Variants in RPSA2 observed in about 807,000 individuals in gnomAD.
RPSA2 encodes the protein small ribosomal subunit protein uS2B.
At chr19:23,846,778 C>T in the RPSA2 span, among the ~76,000 whole-genome samples, 18 of 152,122 alleles carry the variant, frequency 1.2e-4, no homozygotes, top group Non-Finnish European at 2.1e-4. Context: ...TTTTCTTTGG[C>T]TGATTTTAGA....
chr19:23,760,974 A>G, the RPSA2 span, among the ~76,000 whole-genome samples: 1 of 150,610 alleles, frequency 6.6e-6, no homozygotes, highest in Non-Finnish European at 1.5e-5. Context: ...AAACATACAT[A>G]TTATTTTGAT....
the RPSA2 span, among the ~76,000 whole-genome samples, chr19:23,788,611 T>TA: frequency 6.6e-6 from 1 of 152,144 alleles, no homozygotes; most frequent in Non-Finnish European, 1.5e-5. Flanking sequence ...ATCACCTAGG[T>TA]AGTGATGTGA....
the RPSA2 span, among the ~76,000 whole-genome samples, chr19:23,765,752 A>G: frequency 6.6e-6 from 1 of 152,220 alleles, no homozygotes; most frequent in African/African-American, 2.4e-5. Context: ...AAAAATTTGC[A>G]ATGTACCCTT....
At chr19:23,870,809 C>T in the RPSA2 span, among the ~76,000 whole-genome samples, 1 of 152,248 alleles carries the variant, frequency 6.6e-6, no homozygotes, top group South Asian at 2.1e-4. Flanking sequence ...TGTTGGGATC[C>T]AGAAGCCTGA....
At chr19:23,867,248 A>G in the RPSA2 span, among the ~76,000 whole-genome samples, 5 of 152,128 alleles carry the variant, frequency 3.3e-5, no homozygotes, top group Admixed American at 3.3e-4. Context: ...TAATCTCCAC[A>G]TCCCTAGTGG....
At chr19:23,813,238 AAAAAAAAAAAAGTTG>A in the RPSA2 span, among the ~76,000 whole-genome samples, 1 of 151,708 alleles carries the variant, frequency 6.6e-6, no homozygotes, top group Non-Finnish European at 1.5e-5. Flanking sequence ...GTCTCAAAAA[AAAAAAAAAAAAGTTG>A]TGTATTTCAG....
chr19:23,847,370 A>T, the RPSA2 span, among the ~76,000 whole-genome samples: 1 of 152,122 alleles, frequency 6.6e-6, no homozygotes, highest in Non-Finnish European at 1.5e-5. Flanking sequence ...TCTGTTTTCC[A>T]TAAATGTCAG....
chr19:23,840,802 C>A, the RPSA2 span, among the ~76,000 whole-genome samples: 1 of 149,352 alleles, frequency 6.7e-6, no homozygotes. Context: ...TACTAAAATA[C>A]AAAAAAAAAA....
chr19:23,766,096 T>C, the RPSA2 span, among the ~76,000 whole-genome samples: 1 of 151,898 alleles, frequency 6.6e-6, no homozygotes, highest in Non-Finnish European at 1.5e-5. Context: ...TGTCATTGTT[T>C]AATAGAACTT....
the RPSA2 span, among the ~76,000 whole-genome samples, chr19:23,846,644 T>A: frequency 1.3e-4 from 20 of 152,180 alleles, no homozygotes; most frequent in Non-Finnish European, 2.1e-4. Context: ...GATGTAAAAT[T>A]TTTGGCTGGC....
At chr19:23,768,205 G>A in the RPSA2 span, among the ~76,000 whole-genome samples, 2 of 151,082 alleles carry the variant, frequency 1.3e-5, no homozygotes, top group East Asian at 1.9e-4. Flanking sequence ...TTTTTTTCTG[G>A]TTGTGTAATT....
At chr19:23,851,158 GAA>G in the RPSA2 span, among the ~76,000 whole-genome samples, 3 of 152,142 alleles carry the variant, frequency 2.0e-5, no homozygotes, top group Non-Finnish European at 4.4e-5. Flanking sequence ...ATGTACATAT[GAA>G]AATCTTGCAA....
At chr19:23,771,012 T>C in the RPSA2 span, among the ~76,000 whole-genome samples, 1 of 152,196 alleles carries the variant, frequency 6.6e-6, no homozygotes, top group African/African-American at 2.4e-5. Flanking sequence ...ATAGCCAGGG[T>C]CAGGAAAATG....
At chr19:23,862,108 G>C in the RPSA2 span, among the ~76,000 whole-genome samples, 2 of 152,058 alleles carry the variant, frequency 1.3e-5, no homozygotes, top group African/African-American at 4.8e-5. Flanking sequence ...TTGTAAGTTG[G>C]ATTCCTAGGT....
the RPSA2 span, among the ~76,000 whole-genome samples, chr19:23,840,631 TAAAG>T: frequency 1.3e-5 from 2 of 152,126 alleles, no homozygotes; most frequent in South Asian, 2.1e-4. Context: ...CTAGAATGCT[TAAAG>T]AGAGAGTATT....
chr19:23,861,495 C>G, the RPSA2 span, among the ~76,000 whole-genome samples: 15 of 152,178 alleles, frequency 9.9e-5, no homozygotes, highest in African/African-American at 3.4e-4. Flanking sequence ...CTTCCACATA[C>G]TATCCTTTCC....
At chr19:23,808,121 T>C in the RPSA2 span, among the ~76,000 whole-genome samples, 1 of 152,330 alleles carries the variant, frequency 6.6e-6, no homozygotes, top group Non-Finnish European at 1.5e-5. Context: ...TCCACATTCC[T>C]GAGCGGATCT....
chr19:23,793,378 G>C, the RPSA2 span, among the ~76,000 whole-genome samples: 2 of 136,878 alleles, frequency 1.5e-5, no homozygotes, highest in Non-Finnish European at 3.1e-5. Flanking sequence ...TTTTTTTTTT[G>C]AGACTGAGTT....
the RPSA2 span, among the ~76,000 whole-genome samples, chr19:23,806,448 G>T: frequency 1.3e-5 from 2 of 151,878 alleles, no homozygotes. Flanking sequence ...ACACCATTAA[G>T]AAAATGCTCA....
Sources: allele counts gnomAD v4.1 joint callset (sites outside exome capture counted in the v4.1 genomes callset), GRCh38; gene constraint gnomAD v4.1.1; transcripts MANE v1.5; gene names NCBI Gene and HGNC (gene_info 2026-07-23, HGNC 2026-07-21).